CELSR1: variants seen among roughly 807,000 people sequenced by gnomAD.
CELSR1 encodes adhesion G protein-coupled receptor C1.
Under a neutral mutation model 249.1 loss-of-function variants are expected in CELSR1, and 110 were observed. The observed-to-expected ratio is 0.44, with a 90% CI of 0.38 to 0.52. The LOEUF (loss-of-function observed/expected upper bound fraction) is 0.52, where lower values mean the gene tolerates loss of function less well. Ranked by LOEUF, CELSR1 falls within the 20% of genes least tolerant of loss-of-function variation. The pLI, the probability that CELSR1 is intolerant of heterozygous loss-of-function variation, is 0.00. For synonymous variants in CELSR1, 2,113 were observed against 1,900.0 expected (o/e 1.11, Z -2.92); for missense variants, 4,109 against 4,296.4 (o/e 0.96, Z 1.22).
At position 46,417,034 on chromosome 22, in the gene CELSR1, T is replaced by C. The variant is rs368131689; in HGVS notation, c.4612-5275A>G. On this transcript the variant is annotated intron_variant, in intron 5 of 34. Transcript: ENST00000674500. This position sits in a 1 kb window ranked among gnomAD's most constrained non-coding sequence, Gnocchi z 4.1. ...ATGAATTCATGCTCTGTGTCAGAAA[T>C]GATTAACCAACGTTCATATCAAAGA... 3.3e-5 allele frequency among the ~76,000 whole-genome samples: 5 copies of C among 152,152 alleles called. No homozygotes were observed. In the East Asian group the frequency reaches 7.7e-4, roughly 23 times the overall value.
At chr22:46,392,245 A>G (rs564635614) in intron 14 of CELSR1, among the ~76,000 whole-genome samples, 1 of 152,338 alleles carries the variant, frequency 6.6e-6, no homozygotes, top group Non-Finnish European at 1.5e-5. Context: ...TCGGGTTCAG[A>G]AAGTCCTGGG....
At chr22:46,513,411 A>G (rs2080593471) in intron 1 of CELSR1, among the ~76,000 whole-genome samples, 1 of 152,164 alleles carries the variant, frequency 6.6e-6, no homozygotes, top group African/African-American at 2.4e-5. Context: ...ATACCTGACC[A>G]TACCAAGAAG....
Position 46,408,994 on chromosome 22 carries a change from AC to A in CELSR1, c.5226+1del. The A allele has an allele frequency of 6.2e-7, 1 of 1,602,610 alleles. No homozygotes were observed. Reference sequence around the variant, plus strand: ...GCCTTGGTGGCACGGGGCCCCAGTCACCTGGAGGCGAAAGCTGGTGGGCCCA... The same window carrying A: ...GCCTTGGTGGCACGGGGCCCCAGTCACTGGAGGCGAAAGCTGGTGGGCCCA... On this transcript the variant is annotated splice_donor_variant, in intron 9 of 34. Coordinates refer to ENST00000674500, the MANE Select transcript of CELSR1 (RefSeq NM_001378328.1). LOFTEE classifies it high-confidence loss of function. The surrounding 1 kb of genome is among the most constrained non-coding windows in gnomAD (Gnocchi z 4.6).
At position 46,425,204 on chromosome 22, in the gene CELSR1, G is replaced by C. The variant is rs560473183; in HGVS notation, c.4611+8189C>G. ...AAAGCTGCTGTACCACTTGTGTGCAGGTTTCTGTGTCAACATGAATCACAT... is the reference window on the plus strand; with the variant it reads ...AAAGCTGCTGTACCACTTGTGTGCACGTTTCTGTGTCAACATGAATCACAT... On this transcript the variant is annotated intron_variant, in intron 5 of 34. Coordinates refer to ENST00000674500, the MANE Select transcript of CELSR1 (RefSeq NM_001378328.1). Among the ~76,000 whole-genome samples the C allele has an allele frequency of 3.3e-5, 5 of 152,290 alleles. No individual in the cohort carries two copies. In the East Asian group the frequency reaches 9.6e-4, roughly 29 times the overall value.
At chr22:46,424,155 C>G (rs980388441) in intron 5 of CELSR1, among the ~76,000 whole-genome samples, 13 of 152,064 alleles carry the variant, frequency 8.5e-5, no homozygotes, top group African/African-American at 3.1e-4. Flanking sequence ...CAGCCTCGAC[C>G]TTCCAGGCCC....
rs1649510482 is a variant in CELSR1, at chr22:46,471,692, T to C, written c.3545-7347A>G. 1.3e-5 allele frequency among the ~76,000 whole-genome samples: 2 copies of C among 152,190 alleles called. No homozygotes were observed. Among genetic ancestry groups the C allele is most frequent in the Non-Finnish European group, 1.5e-5 (1 of 68,040 alleles). ...ATTCACGGGTGTGAGCCGCTGCCCC[T>C]GGCCTCAGCATTTGTCATAATGAAG... On this transcript the variant is annotated intron_variant, in intron 1 of 34. Coordinates refer to ENST00000674500, the MANE Select transcript of CELSR1 (RefSeq NM_001378328.1). The surrounding 1 kb of genome is among the most constrained non-coding windows in gnomAD (Gnocchi z 4.9).
chr22:46,495,758 T>G (rs1159209016), intron 1 of CELSR1, among the ~76,000 whole-genome samples: 3 of 152,198 alleles, frequency 2.0e-5, no homozygotes, highest in Non-Finnish European at 4.4e-5. Flanking sequence ...AAGGTTGCAG[T>G]GAGCCGAGAT....
chr22:46,371,165 G>C (rs76029134), intron 25 of CELSR1, among the ~76,000 whole-genome samples: 5,659 of 152,216 alleles, frequency 0.037, 339 homozygotes, highest in African/African-American at 0.13. Context: ...GGGTGGAGGT[G>C]AAAAAGGTTC....
At position 46,428,999 on chromosome 22, in the gene CELSR1, C is replaced by A. The variant is rs1043862064; in HGVS notation, c.4611+4394G>T. Among the ~76,000 whole-genome samples, 1 of 152,150 alleles carries A rather than the reference C, an allele frequency of 6.6e-6. No homozygotes were observed. The highest frequency in any genetic ancestry group is 2.1e-4 in the South Asian group (1 of 4,822). ...GGCCCCGTTAAACATCTTGCTGGCA[C>A]GTCTGTGTCCCCGACCCTGCCAGGA... is the stretch of plus-strand genomic sequence containing the variant. On this transcript the variant is annotated intron_variant, in intron 5 of 34. Transcript: ENST00000674500. The surrounding 1 kb of genome is among the most constrained non-coding windows in gnomAD (Gnocchi z 5.7).
intron 5 of CELSR1, among the ~76,000 whole-genome samples, chr22:46,415,114 G>A (rs2079384485): frequency 1.3e-5 from 2 of 152,226 alleles, no homozygotes; most frequent in African/African-American, 4.8e-5. Context: ...GGAGCTCAGG[G>A]AGGAGGATGG....
In CELSR1 at chr22:46,512,580, C is replaced by T. The variant is rs1027244406; in HGVS notation, c.3544+21047G>A. ...GAGTGAGACTCCATCTCAACAACAA[C>T]AAAAAATCAAGGCCCAATACTATGC... is the stretch of plus-strand genomic sequence containing the variant. On this transcript the variant is annotated intron_variant, in intron 1 of 34. Transcript: ENST00000674500. This position sits in a 1 kb window ranked among gnomAD's most constrained non-coding sequence, Gnocchi z 5.2. Among the ~76,000 whole-genome samples the T allele has an allele frequency of 1.3e-5, 2 of 152,084 alleles. No homozygotes were observed. Among genetic ancestry groups the T allele is most frequent in the African/African-American group, 4.8e-5 (2 of 41,412 alleles).
intron 1 of CELSR1, among the ~76,000 whole-genome samples, chr22:46,520,988 C>G (rs6008889): frequency 0.064 from 9,798 of 152,242 alleles, 893 homozygotes; most frequent in African/African-American, 0.2. Flanking sequence ...TTGTGCTTTT[C>G]AGTCTTGCTT....
chr22:46,518,292 A>T lies in CELSR1; in HGVS notation c.3544+15335T>A, dbSNP rs1468780743. Among the ~76,000 whole-genome samples the T allele has an allele frequency of 6.6e-6, 1 of 152,188 alleles. No homozygotes were observed. The highest frequency in any genetic ancestry group is 1.5e-5 in the Non-Finnish European group (1 of 68,038). ...GCTGCTATCACAGCAGACCTTACTG[A>T]GGAGTCAGAGCCTGTGGGGGCACCA... is the stretch of plus-strand genomic sequence containing the variant. On this transcript the variant is annotated intron_variant, in intron 1 of 34. Coordinates refer to ENST00000674500, the MANE Select transcript of CELSR1 (RefSeq NM_001378328.1). This position sits in a 1 kb window ranked among gnomAD's most constrained non-coding sequence, Gnocchi z 5.2.
intron 27 of CELSR1, 53 bp downstream of exon 27, chr22:46,369,126 G>A (rs752506336): frequency 2.5e-5 from 40 of 1,572,220 alleles, no homozygotes; most frequent in Non-Finnish European, 3.3e-5. Context: ...CTGGACGTCG[G>A]GGTCTCAGGG....
chr22:46,431,295 G>A (rs1475742646), intron 5 of CELSR1, among the ~76,000 whole-genome samples: 3 of 152,224 alleles, frequency 2.0e-5, no homozygotes, highest in South Asian at 2.1e-4. Context: ...GTGGACAGAG[G>A]TGGCCACAGT....
rs1226212398 is a variant in CELSR1 at position 46,430,525 on chromosome 22, G to T, written c.4611+2868C>A. Reference sequence around the variant, plus strand: ...CCCCTCTCAACTGGTCATGGCCCTGGACACCCCTCATCGTCCAGCCCCAAC... The same window carrying T: ...CCCCTCTCAACTGGTCATGGCCCTGTACACCCCTCATCGTCCAGCCCCAAC... On this transcript the variant is annotated intron_variant, in intron 5 of 34. Transcript: ENST00000674500. This position sits in a 1 kb window ranked among gnomAD's most constrained non-coding sequence, Gnocchi z 4.6. Among the ~76,000 whole-genome samples the T allele has an allele frequency of 6.6e-6, 1 of 152,044 alleles. No homozygotes were observed. The highest frequency in any genetic ancestry group is 1.5e-5 in the Non-Finnish European group (1 of 68,006).
At chr22:46,501,065 G>C (rs2080461577) in intron 1 of CELSR1, among the ~76,000 whole-genome samples, 1 of 151,432 alleles carries the variant, frequency 6.6e-6, no homozygotes, top group Admixed American at 6.6e-5. Context: ...ACAGAGTCTT[G>C]CTCTGTCACC....
chr22:46,472,290 A>G lies in CELSR1; in HGVS notation c.3545-7945T>C, dbSNP rs1293157132. Among the ~76,000 whole-genome samples, 1 of 152,204 alleles carries G rather than the reference A, an allele frequency of 6.6e-6. No individual in the cohort carries two copies. Among genetic ancestry groups the G allele is most frequent in the Non-Finnish European group, 1.5e-5 (1 of 68,046 alleles). On this transcript the variant is annotated intron_variant, in intron 1 of 34. Transcript: ENST00000674500. This position sits in a 1 kb window ranked among gnomAD's most constrained non-coding sequence, Gnocchi z 7.0. ...CCTGTCCAGTCCCCGACTTTCGTGA[A>G]AGACTCTGCAGTAAGATAAAGGTTA...
chr22:46,389,187 G>A (rs950935448), intron 18 of CELSR1, 103 bp downstream of exon 18: 22 of 1,272,006 alleles, frequency 1.7e-5, no homozygotes, highest in African/African-American at 8.9e-5. Flanking sequence ...GGACACAACC[G>A]TCTTCCACGA....
Sources: allele counts gnomAD v4.1 joint callset (sites outside exome capture counted in the v4.1 genomes callset), GRCh38; gene constraint gnomAD v4.1.1; non-coding constraint Gnocchi (gnomAD v3.1); transcripts MANE v1.5; gene names NCBI Gene and HGNC (gene_info 2026-07-23, HGNC 2026-07-21).